The following TAFA1 variants were observed in gnomAD, a reference collection of about 807,000 sequenced individuals.
TAFA1 encodes the protein chemokine-like protein TAFA-1.
In TAFA1, 4 loss-of-function variants were observed where a neutral mutation model predicts 18.5. The ratio of observed to expected loss-of-function variants is 0.22; its 90% CI spans 0.11 to 0.49. The LOEUF (loss-of-function observed/expected upper bound fraction) is 0.49, where lower values mean the gene tolerates loss of function less well. Among genes scored for constraint, TAFA1 ranks in the 20% least tolerant of loss-of-function variants. The pLI is 0.98. For missense variants in TAFA1, 147 were observed against 169.0 expected (o/e 0.87, Z 0.72); for synonymous variants, 56 against 55.2 (o/e 1.01, Z -0.06).
At chr3:68,459,634 T>C (rs2071736620) in intron 3 of TAFA1, among the ~76,000 whole-genome samples, 1 of 152,198 alleles carries the variant, frequency 6.6e-6, no homozygotes, top group African/African-American at 2.4e-5. Flanking sequence ...TGAATGAAAG[T>C]ATTTGCAGTT....
At chr3:68,541,415 G>T (rs2073372319) in intron 4 of TAFA1, among the ~76,000 whole-genome samples, 1 of 152,124 alleles carries the variant, frequency 6.6e-6, no homozygotes, top group African/African-American at 2.4e-5. Context: ...AATATGTTCT[G>T]TATTAATTTT....
intron 2 of TAFA1, among the ~76,000 whole-genome samples, chr3:68,390,529 G>T (rs2313239): frequency 0.37 from 56,363 of 152,104 alleles, 11,224 homozygotes; most frequent in Non-Finnish European, 0.41. Flanking sequence ...GCCTCTTCAA[G>T]TGGGTTCCTG....
chr3:67,994,708 T>C, the TAFA1 span, among the ~76,000 whole-genome samples: 30 of 152,346 alleles, frequency 2.0e-4, no homozygotes, highest in African/African-American at 6.5e-4. Flanking sequence ...ATTAATGTTA[T>C]GCTTTTTTAT....
chr3:68,329,239 T>TTTTTTATATTTTTA (rs1366688929), intron 2 of TAFA1, among the ~76,000 whole-genome samples: 1 of 144,482 alleles, frequency 6.9e-6, no homozygotes, highest in Non-Finnish European at 1.5e-5. Context: ...TTTTTTTTTT[T>TTTTTTATATTTTTA]GTATTTTTAG....
At chr3:68,200,409 A>G (rs904995810) in intron 2 of TAFA1, among the ~76,000 whole-genome samples, 2 of 151,628 alleles carry the variant, frequency 1.3e-5, no homozygotes, top group Non-Finnish European at 3.0e-5. Flanking sequence ...AAGAATTGAT[A>G]TAACTTCTTC....
chr3:68,282,779 C>T (rs921352254), intron 2 of TAFA1, among the ~76,000 whole-genome samples: 4 of 152,080 alleles, frequency 2.6e-5, no homozygotes, highest in Admixed American at 6.6e-5. Flanking sequence ...TGTTTAAGTC[C>T]CCCAACCTTT....
intron 2 of TAFA1, among the ~76,000 whole-genome samples, chr3:68,202,773 T>C (rs1341862946): frequency 2.0e-5 from 3 of 151,786 alleles, no homozygotes; most frequent in African/African-American, 7.2e-5. Context: ...ATATCCTATA[T>C]ATGGTAATAT....
chr3:68,473,927 T>C (rs2072045136), intron 3 of TAFA1, among the ~76,000 whole-genome samples: 1 of 152,004 alleles, frequency 6.6e-6, no homozygotes, highest in Non-Finnish European at 1.5e-5. Flanking sequence ...GCCTGAAACA[T>C]GGAAAGTGCT....
At chr3:68,144,899 G>A (rs1435989279) in intron 2 of TAFA1, 2 of 672,028 alleles carry the variant, frequency 3.0e-6, no homozygotes, top group Non-Finnish European at 5.4e-6. Context: ...TCAAAAAATT[G>A]GAGATAATAA....
chr3:68,100,064 G>T (rs533320793), intron 2 of TAFA1, among the ~76,000 whole-genome samples: 3 of 152,210 alleles, frequency 2.0e-5, no homozygotes, highest in Admixed American at 1.3e-4. Context: ...TTACTATCTA[G>T]ATGATGGGAT....
intron 3 of TAFA1, among the ~76,000 whole-genome samples, chr3:68,493,298 C>T (rs187893305): frequency 3.4e-4 from 52 of 152,230 alleles, no homozygotes; most frequent in Admixed American, 6.5e-5. Flanking sequence ...CAAGGTATAT[C>T]TATGTTGCGG....
chr3:68,284,322 A>AAT (rs2107262938), intron 2 of TAFA1, among the ~76,000 whole-genome samples: 1 of 152,318 alleles, frequency 6.6e-6, no homozygotes, highest in East Asian at 1.9e-4. Flanking sequence ...GAATGGCCAA[A>AAT]ATATAAAAGA....
chr3:68,542,592 T>A (rs1226340780), intron 4 of TAFA1, among the ~76,000 whole-genome samples: 1 of 152,092 alleles, frequency 6.6e-6, no homozygotes. Context: ...CTGAGACAGG[T>A]CTTACTCAAT....
intron 2 of TAFA1, among the ~76,000 whole-genome samples, chr3:68,390,957 A>C (rs2070227273): frequency 1.3e-5 from 2 of 152,206 alleles, no homozygotes; most frequent in Non-Finnish European, 2.9e-5. Flanking sequence ...CTTTTCTTCC[A>C]AAGGATCACA....
chr3:68,219,357 G>C (rs2066702432), intron 2 of TAFA1, among the ~76,000 whole-genome samples: 2 of 152,050 alleles, frequency 1.3e-5, no homozygotes, highest in African/African-American at 4.8e-5. Flanking sequence ...AGACATTATT[G>C]AACTGAATAT....
intron 2 of TAFA1, among the ~76,000 whole-genome samples, chr3:68,281,831 T>G (rs1246729092): frequency 2.0e-5 from 3 of 152,202 alleles, no homozygotes; most frequent in African/African-American, 7.2e-5. Context: ...TTCACTTTTT[T>G]GACTTCCTTA....
intron 2 of TAFA1, among the ~76,000 whole-genome samples, chr3:68,336,702 G>A (rs1412047482): frequency 6.6e-6 from 1 of 152,138 alleles, no homozygotes; most frequent in Non-Finnish European, 1.5e-5. Context: ...CTTTCCAGGT[G>A]ATTCTATGTC....
intron 4 of TAFA1, among the ~76,000 whole-genome samples, chr3:68,539,973 G>A (rs992487456): frequency 6.6e-6 from 1 of 152,022 alleles, no homozygotes; most frequent in African/African-American, 2.4e-5. Context: ...ATCCCAGTAT[G>A]CTGAAGTTTT....
chr3:68,222,861 TG>T (rs1467769883), intron 2 of TAFA1, among the ~76,000 whole-genome samples: 2 of 151,858 alleles, frequency 1.3e-5, no homozygotes, highest in South Asian at 2.1e-4. Context: ...TTAGTAGAGA[TG>T]GGGTTTTACC....
Sources: allele counts gnomAD v4.1 joint callset (sites outside exome capture counted in the v4.1 genomes callset), GRCh38; gene constraint gnomAD v4.1.1; transcripts MANE v1.5; gene names NCBI Gene and HGNC (gene_info 2026-07-23, HGNC 2026-07-21).